The following LEMD3 variants were observed in gnomAD, a reference collection of about 807,000 sequenced individuals.
LEMD3 encodes LEM domain containing 3.
Under a neutral mutation model 95.2 loss-of-function variants are expected in LEMD3, and 33 were observed. That is an observed-to-expected ratio of 0.35 (90% CI 0.26 to 0.46). The LOEUF (loss-of-function observed/expected upper bound fraction) is 0.46, where lower values mean the gene tolerates loss of function less well. LEMD3 is among the 20% of genes least tolerant of loss of function. LEMD3 has a pLI of 1.00. For missense variants in LEMD3, 1,210 were observed against 1,192.8 expected, an observed-to-expected ratio of 1.01 and a Z score of -0.21; for synonymous variants, 525 against 474.6, an observed-to-expected ratio of 1.11 and a Z score of -1.38.
In LEMD3 at chr12:65,170,851, T is replaced by C. The variant is rs1301663256; in HGVS notation, c.1255T>C (p.Ser419Pro). The change falls in exon 1 of 13, where the codon TCT becomes CCT. Residue 419 changes from serine to proline, a missense_variant. Ser to Pro is a moderately conservative substitution (Grantham distance 74). Around this residue, in one of 2 missense-constraint regions of LEMD3, gnomAD observed 749 missense variants for 622.9 expected, o/e 1.20. Coordinates refer to ENST00000308330, the MANE Select transcript of LEMD3 (RefSeq NM_014319.5). The part of the protein sequence containing the change: ...SLPPSAAVAA[S>P]SSLRINHANH... The stretch of plus-strand genomic sequence containing the variant: ...CCCTCCCAGTGCGGCGGTGGCCGCC[T>C]CTAGTTCACTCAGGATCAATCACGC... 1 of 1,614,148 alleles carries C rather than the reference T, an allele frequency of 6.2e-7. No individual in the cohort carries two copies. The highest frequency in any genetic ancestry group is 8.5e-7 in the Non-Finnish European group (1 of 1,180,036).
Position 65,169,973 on chromosome 12 carries a change from C to T in LEMD3, c.377C>T (p.Ser126Phe). ...CTCCTGGGAGGGCCCGGGGGCGCCT[C>T]CGCCGCCCCCGCGGCTGGCAGCAAA... is the stretch of plus-strand genomic sequence containing the variant. ...ESLLGGPGGA[S>F]AAPAAGSKVL... is the part of the protein sequence containing the mutation. Residue 126 changes from serine to phenylalanine, a missense_variant, in exon 1 of 13, where the codon TCC (serine) becomes TTC (phenylalanine). Around this residue, in one of 2 missense-constraint regions of LEMD3, gnomAD observed 749 missense variants for 622.9 expected, o/e 1.20. Coordinates refer to ENST00000308330, the MANE Select transcript of LEMD3 (RefSeq NM_014319.5). 2.7e-6 allele frequency: 4 copies of T among 1,464,682 alleles called. No individual in the cohort carries two copies. The highest frequency in any genetic ancestry group is 2.6e-5 in the East Asian group (1 of 38,014). The allele number at this position is 1,464,682 out of a possible 1,614,324, so 90.7% of individuals were successfully genotyped here.
chr12:65,220,000 C>T (rs116257491), intron 4 of LEMD3, among the ~76,000 whole-genome samples: 2,351 of 152,276 alleles, frequency 0.015, 28 homozygotes, highest in Middle Eastern at 0.041. Context: ...AATAATTCAT[C>T]AATGAACATG....
chr12:65,197,309 A>G (rs1869463193), intron 1 of LEMD3, among the ~76,000 whole-genome samples: 1 of 152,068 alleles, frequency 6.6e-6, no homozygotes, highest in African/African-American at 2.4e-5. Flanking sequence ...AATTGTAGGT[A>G]TCATTGTTTT....
chr12:65,213,336 C>T (rs183186796), intron 2 of LEMD3, among the ~76,000 whole-genome samples: 4 of 152,236 alleles, frequency 2.6e-5, no homozygotes, highest in Admixed American at 2.0e-4. Flanking sequence ...AGTTATCCTC[C>T]CACCTCAGTC....
chr12:65,229,573 T>C (rs941000976), intron 4 of LEMD3, among the ~76,000 whole-genome samples: 29 of 152,220 alleles, frequency 1.9e-4, no homozygotes, highest in Non-Finnish European at 4.0e-4. Context: ...ATACTAGCAA[T>C]TCTAACTGGG....
intron 1 of LEMD3, among the ~76,000 whole-genome samples, chr12:65,196,543 A>T (rs984124257): frequency 1.3e-5 from 2 of 152,050 alleles, no homozygotes; most frequent in African/African-American, 4.8e-5. Flanking sequence ...GGAGTTCTAG[A>T]GTCCTTGTCT....
intron 1 of LEMD3, among the ~76,000 whole-genome samples, chr12:65,199,336 A>G (rs891259999): frequency 6.6e-6 from 1 of 152,196 alleles, no homozygotes; most frequent in East Asian, 1.9e-4. Context: ...TAACTTTCTA[A>G]TTTAGTAATA....
At position 65,205,794 on chromosome 12, in the gene LEMD3, G is replaced by A. The variant is rs571318385; in HGVS notation, c.1523-5132G>A. ...AAAGGTTATTAATGAATACAAGGGT[G>A]GTGGTACAAGAGTTTACCTTAGGCA... On this transcript the variant is annotated intron_variant, in intron 1 of 12. Coordinates refer to ENST00000308330, the MANE Select transcript of LEMD3 (RefSeq NM_014319.5). 2.6e-5 allele frequency among the ~76,000 whole-genome samples: 4 copies of A among 152,268 alleles called. No homozygotes were observed. The East Asian group carries it at 7.7e-4, about 29-fold the overall frequency.
intron 1 of LEMD3, among the ~76,000 whole-genome samples, chr12:65,181,438 C>T (rs1474289692): frequency 1.3e-5 from 2 of 152,166 alleles, no homozygotes; most frequent in Admixed American, 1.3e-4. Context: ...CACGCTTTGG[C>T]TGGCATTCTC....
intron 3 of LEMD3, among the ~76,000 whole-genome samples, chr12:65,217,988 A>G (rs1037570575): frequency 6.6e-6 from 1 of 152,184 alleles, no homozygotes; most frequent in Non-Finnish European, 1.5e-5. Context: ...TGGTTATGTT[A>G]TAACAGTTTT....
chr12:65,234,254 T>C (rs1203982210), intron 4 of LEMD3, among the ~76,000 whole-genome samples: 1 of 152,158 alleles, frequency 6.6e-6, no homozygotes, highest in African/African-American at 2.4e-5. Flanking sequence ...GAAATTTATA[T>C]GGCTGCACAG....
At chr12:65,184,443 CAG>C (rs1455375209) in intron 1 of LEMD3, among the ~76,000 whole-genome samples, 13 of 152,160 alleles carry the variant, frequency 8.5e-5, no homozygotes, top group African/African-American at 3.1e-4. Flanking sequence ...TTTAGGGAAT[CAG>C]AGCATTGGAT....
At chr12:65,227,197 T>C (rs965646130) in intron 4 of LEMD3, among the ~76,000 whole-genome samples, 1 of 152,194 alleles carries the variant, frequency 6.6e-6, no homozygotes, top group African/African-American at 2.4e-5. Context: ...ATAGTGAGAA[T>C]CCAAAGCAAG....
intron 1 of LEMD3, among the ~76,000 whole-genome samples, chr12:65,200,477 C>A (rs1412411082): frequency 6.6e-6 from 1 of 152,144 alleles, no homozygotes; most frequent in Non-Finnish European, 1.5e-5. Context: ...TCAAGACCTT[C>A]CACCAGTAAT....
intron 1 of LEMD3, among the ~76,000 whole-genome samples, chr12:65,204,474 T>A (rs747018328): frequency 6.6e-6 from 1 of 152,166 alleles, no homozygotes; most frequent in African/African-American, 2.4e-5. Context: ...GATAATGGCC[T>A]CCAGCCCCAT....
At chr12:65,183,031 TA>T (rs1318236764) in intron 1 of LEMD3, among the ~76,000 whole-genome samples, 2 of 152,168 alleles carry the variant, frequency 1.3e-5, no homozygotes, top group African/African-American at 4.8e-5. Context: ...GTCTCTTAGA[TA>T]AGTCATACGA....
At chr12:65,174,099 G>A (rs1010968079) in intron 1 of LEMD3, among the ~76,000 whole-genome samples, 3 of 152,178 alleles carry the variant, frequency 2.0e-5, no homozygotes, top group African/African-American at 4.8e-5. Flanking sequence ...ATATGTGAGA[G>A]TAACTTTTAG....
intron 1 of LEMD3, among the ~76,000 whole-genome samples, chr12:65,209,247 G>A (rs1418042338): frequency 1.3e-5 from 2 of 152,078 alleles, no homozygotes; most frequent in Non-Finnish European, 2.9e-5. Context: ...TACTCACAGA[G>A]CTGATTTTCC....
intron 1 of LEMD3, among the ~76,000 whole-genome samples, chr12:65,190,664 C>T (rs962123204): frequency 1.1e-4 from 16 of 152,178 alleles, no homozygotes; most frequent in Admixed American, 4.6e-4. Context: ...TGTATAAAAG[C>T]AAGCTGTACC....
Sources: allele counts gnomAD v4.1 joint callset (sites outside exome capture counted in the v4.1 genomes callset), GRCh38; gene constraint gnomAD v4.1.1; regional missense constraint gnomAD v4.1.1; transcripts MANE v1.5; gene names NCBI Gene and HGNC (gene_info 2026-07-23, HGNC 2026-07-21).